Variants in MGLL observed in about 807,000 individuals in gnomAD.
The protein encoded by MGLL is lysophospholipase homolog.
Under a neutral mutation model 29.1 loss-of-function variants are expected in MGLL, and 7 were observed. The observed-to-expected ratio is 0.24, with a 90% confidence interval of 0.14 to 0.45. The LOEUF (loss-of-function observed/expected upper bound fraction) is 0.45. Among genes scored for constraint, MGLL ranks in the 20% least tolerant of loss-of-function variants. The pLI is 0.99. For synonymous variants in MGLL, 148 were observed against 168.3 expected (o/e 0.88, Z 0.93); for missense variants, 356 against 413.6 (o/e 0.86, Z 1.21).
chr3:127,705,236 G>C (rs778902524), intron 6 of MGLL, among the ~76,000 whole-genome samples: 7 of 152,076 alleles, frequency 4.6e-5, no homozygotes, highest in South Asian at 2.1e-4. Context: ...AGGGGCACGG[G>C]GGGAGGGAGA....
At chr3:127,750,245 T>G (rs1169121740) in intron 3 of MGLL, among the ~76,000 whole-genome samples, 1 of 152,048 alleles carries the variant, frequency 6.6e-6, no homozygotes, top group Non-Finnish European at 1.5e-5. Context: ...TCTTCTGGGT[T>G]TGCTGTGGAG....
rs954572079 is a variant in MGLL, at chr3:127,742,876, G to A, written c.263-20310C>T. On this transcript the variant is annotated intron_variant, in intron 3 of 7. Coordinates refer to ENST00000265052, the MANE Select transcript of MGLL (RefSeq NM_007283.7). ...TGTCACCAGGCTGGTGTGCAGTGGC[G>A]GGATCTCGGCTCACTGCAACCTCCA... Among the ~76,000 whole-genome samples the A allele has an allele frequency of 3.9e-5, 6 of 152,320 alleles. No individual in the cohort carries two copies. The South Asian group carries it at 6.2e-4, about 16-fold the overall frequency.
chr3:127,710,069 A>C (rs575491587), intron 6 of MGLL, among the ~76,000 whole-genome samples: 2 of 152,310 alleles, frequency 1.3e-5, no homozygotes, highest in African/African-American at 4.8e-5. Flanking sequence ...CTTTTGCTGG[A>C]AAGAGGTGCT....
Position 127,720,925 on chromosome 3 carries a change from C to T in MGLL, c.510+128G>A, listed in dbSNP as rs1006332708. ...GCAACAGTGTTGGATATTTGTCCAA[C>T]CCCTCACGCAATAGTGTCTGAGGTC... On this transcript the variant is annotated intron_variant, in intron 5 of 7. Transcript: ENST00000265052. 1.0e-4 allele frequency: 83 copies of T among 801,114 alleles called. No homozygotes were observed. The Middle Eastern group carries it at 1.8e-3, about 17-fold the overall frequency. The allele number at this position is 801,114 out of a possible 1,614,324, so 49.6% of individuals were successfully genotyped here. A position where few individuals can be genotyped will look rare whatever the true frequency, so the allele number is the denominator to read the frequency against.
chr3:127,731,446 A>C (rs2076148691), intron 3 of MGLL, among the ~76,000 whole-genome samples: 1 of 151,716 alleles, frequency 6.6e-6, no homozygotes, highest in African/African-American at 2.4e-5. Context: ...TATGTTTTTA[A>C]ATTTGCTGTA....
intron 2 of MGLL, among the ~76,000 whole-genome samples, chr3:127,792,959 T>C (rs1008137323): frequency 1.3e-5 from 2 of 152,224 alleles, no homozygotes; most frequent in East Asian, 1.9e-4. Flanking sequence ...CAGGCACATC[T>C]GGGCAGAAAC....
intron 6 of MGLL, among the ~76,000 whole-genome samples, chr3:127,697,175 G>A (rs1314624163): frequency 6.6e-6 from 1 of 152,230 alleles, no homozygotes; most frequent in Non-Finnish European, 1.5e-5. Flanking sequence ...GGGGGCCCAT[G>A]GCCAGGCCCA....
At chr3:127,797,294 C>T (rs1445999492) in intron 2 of MGLL, among the ~76,000 whole-genome samples, 2 of 151,966 alleles carry the variant, frequency 1.3e-5, no homozygotes, top group Non-Finnish European at 2.9e-5. Flanking sequence ...CTGGGCAAAG[C>T]TGAGAATCCT....
At chr3:127,724,350 AG>A (rs1475940375) in intron 3 of MGLL, among the ~76,000 whole-genome samples, 1 of 152,212 alleles carries the variant, frequency 6.6e-6, no homozygotes, top group Non-Finnish European at 1.5e-5. Flanking sequence ...AATGTAGCAC[AG>A]TGTCTTCAAG....
rs76241779 is a variant in MGLL, at chr3:127,769,675, G to C, written c.262+12114C>G. On this transcript the variant is annotated intron_variant, in intron 3 of 7. Transcript: ENST00000265052. ...CTGAGGGACTGAACATATTTAAGTA[G>C]CAAGTGAGCTCCAAGAGGCTGCAAG... Among the ~76,000 whole-genome samples, 180 of 152,322 alleles carry C rather than the reference G, an allele frequency of 1.2e-3. 7 individuals are homozygous for C. In the East Asian group the frequency reaches 0.031, roughly 26 times the overall value.
At chr3:127,769,638 G>C (rs2076916932) in intron 3 of MGLL, among the ~76,000 whole-genome samples, 1 of 152,220 alleles carries the variant, frequency 6.6e-6, no homozygotes, top group Non-Finnish European at 1.5e-5. Context: ...TGCCAGCCCG[G>C]GTGGCTTAGC....
Position 127,792,706 on chromosome 3 carries a change from GA to G in MGLL, c.156-10812del, listed in dbSNP as rs61357582. 8.2e-3 allele frequency among the ~76,000 whole-genome samples: 1,155 copies of G among 140,770 alleles called. 12 individuals carry two copies. The highest frequency in any genetic ancestry group is 0.026 in the African/African-American group (1,020 of 38,820). 92.4% of individuals were successfully genotyped at this position (140,770 alleles called of 152,430 possible). ...GACAGAGCGAGACTCTGTCTCAAAA[GA>G]AAAAAAAAAAATCCCTGCCTTGCAG... On this transcript the variant is annotated intron_variant, in intron 2 of 7. Transcript: ENST00000265052.
chr3:127,692,141 T>C lies in MGLL; in HGVS notation c.*57A>G, dbSNP rs993971159. On this transcript the variant is annotated 3_prime_UTR_variant, in exon 8 of 8. Coordinates refer to ENST00000265052, the MANE Select transcript of MGLL (RefSeq NM_007283.7). ...GGCAAGCCATATCTGAGAAGCCATC[T>C]CTGCCCTTCCCCTGCCTGCATCCCC... 6.2e-6 allele frequency: 7 copies of C among 1,126,724 alleles called. No homozygotes were observed. The highest frequency in any genetic ancestry group is 7.7e-6 in the Non-Finnish European group (6 of 782,208). The allele number at this position is 1,126,724 out of a possible 1,614,324, so 69.8% of individuals were successfully genotyped here.
chr3:127,801,022 C>T (rs1279450225), intron 2 of MGLL, among the ~76,000 whole-genome samples: 4 of 152,206 alleles, frequency 2.6e-5, no homozygotes, highest in African/African-American at 4.8e-5. Context: ...GGGTAATGAG[C>T]CAGGTGCGGT....
At chr3:127,725,600 T>C (rs1421743246) in intron 3 of MGLL, among the ~76,000 whole-genome samples, 4 of 152,158 alleles carry the variant, frequency 2.6e-5, no homozygotes, top group African/African-American at 4.8e-5. Flanking sequence ...CTTCCAACGT[T>C]TGAAATAGGG....
At chr3:127,760,752 C>T (rs905686207) in intron 3 of MGLL, among the ~76,000 whole-genome samples, 1 of 152,214 alleles carries the variant, frequency 6.6e-6, no homozygotes, top group Non-Finnish European at 1.5e-5. Flanking sequence ...AAAGCATTTT[C>T]CCAAAAGTTA....
At chr3:127,793,761 C>T (rs1182408922) in intron 2 of MGLL, among the ~76,000 whole-genome samples, 3 of 152,060 alleles carry the variant, frequency 2.0e-5, no homozygotes, top group Admixed American at 2.0e-4. Context: ...GGGGTTTCAC[C>T]ATGTTGGCCA....
At chr3:127,708,037 A>C (rs2075637103) in intron 6 of MGLL, among the ~76,000 whole-genome samples, 1 of 152,152 alleles carries the variant, frequency 6.6e-6, no homozygotes, top group Non-Finnish European at 1.5e-5. Context: ...CCAGTGGCCC[A>C]TCCCCCATAG....
chr3:127,776,044 A>G (rs772621735), intron 3 of MGLL, among the ~76,000 whole-genome samples: 3 of 152,160 alleles, frequency 2.0e-5, no homozygotes, highest in Admixed American at 1.3e-4. Flanking sequence ...ATGTTGCGGA[A>G]AATCCCATCT....
Sources: gnomAD v4.1 joint callset for allele counts (sites outside exome capture counted in the v4.1 genomes callset) on GRCh38, gnomAD v4.1.1 for gene constraint, MANE v1.5 for transcripts, NCBI Gene and HGNC (gene_info 2026-07-23, HGNC 2026-07-21) for gene names.